Variants in PACRG observed in about 807,000 individuals in gnomAD.
PACRG encodes the protein parkin coregulated gene protein.
A neutral mutation model predicts 29.7 loss-of-function variants in PACRG; 29 were observed. The observed-to-expected ratio is 0.98, with a 90% CI of 0.73 to 1.33. The LOEUF is 1.33. Ranked by LOEUF, PACRG falls within the 40% of genes most tolerant of loss-of-function variation. PACRG has a pLI of 0.00. For missense variants in PACRG, 279 were observed against 316.2 expected (o/e 0.88, Z 0.89); for synonymous variants, 116 against 118.7 (o/e 0.98, Z 0.15).
In PACRG at chr6:162,980,190, G is replaced by A. The variant is rs58056651; in HGVS notation, c.292-81960G>A. On this transcript the variant is annotated intron_variant, in intron 2 of 4. Coordinates refer to ENST00000366888, the MANE Select transcript of PACRG (RefSeq NM_001080379.2). Reference sequence around the variant, plus strand: ...CACACATACACACACACACACACACGCACACACACACATTTTCAGTGTAAT... The same window carrying A: ...CACACATACACACACACACACACACACACACACACACATTTTCAGTGTAAT... Among the ~76,000 whole-genome samples, 1,045 of 141,134 alleles carry A rather than the reference G, an allele frequency of 7.4e-3. 15 individuals carry two copies. The highest frequency in any genetic ancestry group is 0.027 in the African/African-American group (977 of 35,544). 92.6% of individuals were successfully genotyped at this position (141,134 alleles called of 152,430 possible).
chr6:162,949,088 A>G (rs2128130467), intron 2 of PACRG, among the ~76,000 whole-genome samples: 1 of 152,306 alleles, frequency 6.6e-6, no homozygotes, highest in South Asian at 2.1e-4. Context: ...ACAGCTATGA[A>G]TCAGCCTAAT....
At chr6:163,059,616 T>C (rs993756238) in intron 2 of PACRG, among the ~76,000 whole-genome samples, 6 of 152,216 alleles carry the variant, frequency 3.9e-5, no homozygotes, top group African/African-American at 1.4e-4. Flanking sequence ...TGAGAGGCAG[T>C]GCCGTGTCAT....
chr6:162,998,887 A>G (rs1054008774), intron 2 of PACRG, among the ~76,000 whole-genome samples: 1 of 152,106 alleles, frequency 6.6e-6, no homozygotes, highest in Non-Finnish European at 1.5e-5. Context: ...AGTTATCACA[A>G]CCCCTCTTAT....
chr6:162,847,247 G>A (rs1192343088), intron 2 of PACRG, among the ~76,000 whole-genome samples: 1 of 152,096 alleles, frequency 6.6e-6, no homozygotes, highest in African/African-American at 2.4e-5. Flanking sequence ...TCCTAGACTG[G>A]TCCTTCACAC....
At chr6:163,248,115 T>C (rs1214680806) in intron 4 of PACRG, among the ~76,000 whole-genome samples, 1 of 152,174 alleles carries the variant, frequency 6.6e-6, no homozygotes, top group Non-Finnish European at 1.5e-5. Flanking sequence ...CATCAATATT[T>C]TGCAAAGGGC....
At chr6:163,293,484 G>A (rs186283412) in intron 4 of PACRG, among the ~76,000 whole-genome samples, 55 of 152,300 alleles carry the variant, frequency 3.6e-4, no homozygotes, top group African/African-American at 1.2e-3. Flanking sequence ...TAACCACAAG[G>A]CAGCTGTCCC....
chr6:163,233,433 C>T (rs771358401), intron 4 of PACRG, among the ~76,000 whole-genome samples: 1 of 152,210 alleles, frequency 6.6e-6, no homozygotes, highest in Admixed American at 6.5e-5. Flanking sequence ...ATGACACCAG[C>T]CTTGAACTTG....
At position 163,140,310 on chromosome 6, in the gene PACRG, C is replaced by T. The variant is rs547282335; in HGVS notation, c.613+50902C>T. Among the ~76,000 whole-genome samples the T allele has an allele frequency of 4.9e-4, 75 of 152,280 alleles. 3 individuals carry two copies. The highest frequency in any genetic ancestry group is 3.9e-4 in the Admixed American group (6 of 15,300). On this transcript the variant is annotated intron_variant, in intron 4 of 4. Coordinates refer to ENST00000366888, the MANE Select transcript of PACRG (RefSeq NM_001080379.2). ...CCTGAAGCCTCAGGCCTCCTGAGAT[C>T]TCAGTTGAAAAGCAGTCCGTGGTGG...
intron 2 of PACRG, among the ~76,000 whole-genome samples, chr6:162,862,802 G>A (rs148099170): frequency 1.1e-4 from 16 of 152,292 alleles, no homozygotes; most frequent in African/African-American, 3.8e-4. Flanking sequence ...AGGCTGCAAG[G>A]CATCTCTCTC....
At chr6:162,858,437 C>A (rs1352124834) in intron 2 of PACRG, among the ~76,000 whole-genome samples, 1 of 152,118 alleles carries the variant, frequency 6.6e-6, no homozygotes, top group African/African-American at 2.4e-5. Context: ...TATAACAATT[C>A]AAGATGAGAT....
chr6:162,902,556 C>T (rs1185694385), intron 2 of PACRG, among the ~76,000 whole-genome samples: 2 of 152,092 alleles, frequency 1.3e-5, no homozygotes, highest in Non-Finnish European at 2.9e-5. Flanking sequence ...GCCATTATCC[C>T]ATCTTATTAA....
intron 1 of PACRG, among the ~76,000 whole-genome samples, chr6:162,795,861 T>C (rs891493947): frequency 3.3e-5 from 5 of 152,156 alleles, no homozygotes; most frequent in African/African-American, 1.2e-4. Context: ...ATTGAGTCTC[T>C]TATCAATATC....
chr6:163,302,929 A>C (rs537959190), intron 4 of PACRG, among the ~76,000 whole-genome samples: 2 of 152,314 alleles, frequency 1.3e-5, no homozygotes, highest in South Asian at 4.1e-4. Context: ...TTATCTTGTT[A>C]TGATGGTGAG....
chr6:163,228,348 G>A (rs900815671), intron 4 of PACRG, among the ~76,000 whole-genome samples: 1 of 132,010 alleles, frequency 7.6e-6, no homozygotes, highest in Admixed American at 8.2e-5. Flanking sequence ...CATCAGTGGA[G>A]GCAGATAAGC....
intron 2 of PACRG, among the ~76,000 whole-genome samples, chr6:162,855,452 A>G (rs1449166644): frequency 6.6e-6 from 1 of 152,180 alleles, no homozygotes; most frequent in Non-Finnish European, 1.5e-5. Context: ...ATATCTTATT[A>G]TCTGATGAAG....
At chr6:163,158,915 A>G (rs11963045) in intron 4 of PACRG, among the ~76,000 whole-genome samples, 11,325 of 152,096 alleles carry the variant, frequency 0.074, 1,336 homozygotes, top group African/African-American at 0.25. Flanking sequence ...TCGTGCTGCC[A>G]TATTATACTG....
intron 2 of PACRG, among the ~76,000 whole-genome samples, chr6:163,022,821 A>G (rs971342638): frequency 3.9e-5 from 6 of 152,220 alleles, no homozygotes; most frequent in African/African-American, 1.4e-4. Context: ...TTAACATTGA[A>G]TTGGCTTAAA....
intron 4 of PACRG, among the ~76,000 whole-genome samples, chr6:163,227,446 C>T (rs1273648040): frequency 2.0e-5 from 3 of 152,134 alleles, no homozygotes; most frequent in Non-Finnish European, 2.9e-5. Flanking sequence ...AACATTTGAG[C>T]GCGATCAGAT....
chr6:163,305,525 G>T (rs971499449), intron 4 of PACRG, among the ~76,000 whole-genome samples: 2 of 152,120 alleles, frequency 1.3e-5, no homozygotes, highest in Non-Finnish European at 2.9e-5. Flanking sequence ...TCCTCATCTA[G>T]AAGACTATGT....
Sources: allele counts gnomAD v4.1 joint callset (sites outside exome capture counted in the v4.1 genomes callset), GRCh38; gene constraint gnomAD v4.1.1; transcripts MANE v1.5; gene names NCBI Gene and HGNC (gene_info 2026-07-23, HGNC 2026-07-21).